ASTN1: variants seen among roughly 807,000 people sequenced by gnomAD.
The protein encoded by ASTN1 is astrotactin 1.
A neutral mutation model predicts 140.7 loss-of-function variants in ASTN1; 41 were observed. The observed-to-expected ratio is 0.29, with a 90% CI of 0.23 to 0.38. The LOEUF is 0.38. Among genes scored for constraint, ASTN1 ranks in the 10% least tolerant of loss-of-function variants. The probability of loss-of-function intolerance (pLI) is 1.00; values close to 1 mark genes in which losing one functional copy is unlikely to be tolerated. For missense variants in ASTN1, 1,479 were observed against 1,678.8 expected, an observed-to-expected ratio of 0.88 and a Z score of 2.08; for synonymous variants, 640 against 652.2, an observed-to-expected ratio of 0.98 and a Z score of 0.29.
chr1:177,000,523 T>G (rs1171994848), intron 8 of ASTN1, among the ~76,000 whole-genome samples: 1 of 152,140 alleles, frequency 6.6e-6, no homozygotes, highest in Non-Finnish European at 1.5e-5. Flanking sequence ...ATCTGAGACA[T>G]TAACATGTAG....
chr1:176,906,591 T>C (rs997469039), intron 16 of ASTN1, among the ~76,000 whole-genome samples: 15 of 152,254 alleles, frequency 9.9e-5, no homozygotes, highest in Middle Eastern at 6.8e-3. Flanking sequence ...TCGTGGTTCA[T>C]GCCTGTAATC....
chr1:176,927,123 GTCA>G (rs1301084914), intron 16 of ASTN1, among the ~76,000 whole-genome samples: 1 of 152,176 alleles, frequency 6.6e-6, no homozygotes, highest in African/African-American at 2.4e-5. Context: ...GAGCCTGAGC[GTCA>G]CCTTAGAGGA....
chr1:176,887,939 G>C, intron 18 of ASTN1, 132 bp downstream of exon 18: 3 of 1,295,640 alleles, frequency 2.3e-6, no homozygotes, highest in Non-Finnish European at 3.1e-6. Context: ...TTGGTAGATT[G>C]AAAGCTCTCT....
At chr1:177,093,588 G>C (rs1005794258) in intron 1 of ASTN1, among the ~76,000 whole-genome samples, 3 of 152,158 alleles carry the variant, frequency 2.0e-5, no homozygotes, top group African/African-American at 7.2e-5. Flanking sequence ...TTTGCCCTTT[G>C]TGTAAAAAGG....
intron 16 of ASTN1, among the ~76,000 whole-genome samples, chr1:176,932,296 T>C (rs4652207): frequency 0.25 from 37,554 of 152,110 alleles, 5,237 homozygotes; most frequent in African/African-American, 0.39. Flanking sequence ...ACACTTGTCA[T>C]TCCTAGGGTA....
At chr1:176,876,850 T>C (rs1198292586) in intron 20 of ASTN1, among the ~76,000 whole-genome samples, 1 of 152,164 alleles carries the variant, frequency 6.6e-6, no homozygotes, top group Admixed American at 6.5e-5. Flanking sequence ...GGTTGTAATT[T>C]GCTGTCTTGG....
intron 16 of ASTN1, among the ~76,000 whole-genome samples, chr1:176,902,271 C>T (rs1669800122): frequency 6.6e-6 from 1 of 152,224 alleles, no homozygotes; most frequent in Non-Finnish European, 1.5e-5. Context: ...CAATTTCCTG[C>T]CTGCCTCATG....
At chr1:176,928,624 AGATT>A (rs1671073979) in intron 16 of ASTN1, among the ~76,000 whole-genome samples, 1 of 152,180 alleles carries the variant, frequency 6.6e-6, no homozygotes, top group Non-Finnish European at 1.5e-5. Context: ...CAATTTAGAT[AGATT>A]GAGAATCACA....
Position 176,944,009 on chromosome 1 carries a change from G to A in ASTN1, c.2259C>T (p.Asn753=), listed in dbSNP as rs769444855. Residue 753 remains asparagine (N), a synonymous_variant, in exon 14 of 23, where the codon AAC becomes AAT. Transcript: ENST00000361833. ...QVLKGTFRQN[N]FARGLDQQLP... is the part of the protein sequence containing the mutation. ...GTTGCTGGTCTAAACCACGAGCAAA[G>A]TTGTTTTGCCTAGAAAGAGGGTAGA... 5.6e-6 allele frequency: 9 copies of A among 1,613,718 alleles called. No homozygotes were observed. In the South Asian group the frequency reaches 9.9e-5, roughly 18 times the overall value.
At chr1:176,867,565 G>C (rs1016046370) in intron 22 of ASTN1, among the ~76,000 whole-genome samples, 1 of 152,186 alleles carries the variant, frequency 6.6e-6, no homozygotes, top group African/African-American at 2.4e-5. Context: ...TCTCTGGTCT[G>C]TAGTGGTGGC....
At chr1:176,918,866 C>T (rs1670607981) in intron 16 of ASTN1, among the ~76,000 whole-genome samples, 1 of 152,196 alleles carries the variant, frequency 6.6e-6, no homozygotes, top group Admixed American at 6.5e-5. Flanking sequence ...AGCCTCCAGC[C>T]AGGCCCCTGT....
chr1:177,164,296 G>A (rs1245865683), intron 1 of ASTN1, 98 bp downstream of exon 1: 1 of 1,276,846 alleles, frequency 7.8e-7, no homozygotes, highest in South Asian at 1.5e-5. Flanking sequence ...GTGGGGGAGG[G>A]GAGGTCGTCG....
chr1:177,011,559 A>G (rs1239489756), intron 8 of ASTN1, among the ~76,000 whole-genome samples: 3 of 151,906 alleles, frequency 2.0e-5, no homozygotes, highest in African/African-American at 7.3e-5. Context: ...CCTGTCATGC[A>G]CATACACACA....
At chr1:177,006,685 G>T (rs537584184) in intron 8 of ASTN1, among the ~76,000 whole-genome samples, 1 of 152,202 alleles carries the variant, frequency 6.6e-6, no homozygotes, top group South Asian at 2.1e-4. Context: ...TGTTGGACTT[G>T]TTGGAGGAAA....
At chr1:177,084,893 T>C (rs577655473) in intron 1 of ASTN1, among the ~76,000 whole-genome samples, 39 of 152,336 alleles carry the variant, frequency 2.6e-4, no homozygotes, top group Admixed American at 1.1e-3. Context: ...ATTCACTTCT[T>C]AACCCACTGA....
intron 1 of ASTN1, among the ~76,000 whole-genome samples, chr1:177,082,818 T>C (rs958062329): frequency 3.9e-5 from 6 of 152,218 alleles, no homozygotes; most frequent in African/African-American, 1.4e-4. Context: ...GGTAGCTCAT[T>C]ACTTGCTAGT....
chr1:176,857,484 G>C (rs181757250), downstream of ASTN1: 1 of 418,062 alleles, frequency 2.4e-6, no homozygotes, highest in Admixed American at 4.4e-5. Context: ...TCAGGGCGCA[G>C]CTCCTGCTTT....
intron 1 of ASTN1, among the ~76,000 whole-genome samples, chr1:177,090,097 AT>A (rs1460670359): frequency 6.6e-6 from 1 of 152,034 alleles, no homozygotes. Flanking sequence ...GACCCTAGCA[AT>A]TTAGAAAGGT....
chr1:177,132,609 C>A (rs1681994910), intron 1 of ASTN1, among the ~76,000 whole-genome samples: 2 of 152,136 alleles, frequency 1.3e-5, no homozygotes, highest in African/African-American at 2.4e-5. Context: ...ATCTAGAATC[C>A]CTCCAAGTTT....
Sources: gnomAD v4.1 joint callset for allele counts (sites outside exome capture counted in the v4.1 genomes callset) on GRCh38, gnomAD v4.1.1 for gene constraint, MANE v1.5 for transcripts, NCBI Gene and HGNC (gene_info 2026-07-23, HGNC 2026-07-21) for gene names.